Variants in MGAT4C observed in about 807,000 individuals in gnomAD.
The protein encoded by MGAT4C is alpha-1,3-mannosyl-glycoprotein 4-beta-N-acetylglucosaminyltransferase C.
Under a neutral mutation model 40.1 loss-of-function variants are expected in MGAT4C, and 19 were observed. The observed-to-expected ratio is 0.47, with a 90% confidence interval of 0.33 to 0.70. MGAT4C has a LOEUF of 0.70. Among genes scored for constraint, MGAT4C ranks in the 30% least tolerant of loss-of-function variants. The pLI, the probability that MGAT4C is intolerant of heterozygous loss-of-function variation, is 0.02. For synonymous variants in MGAT4C, 181 were observed against 187.1 expected, an observed-to-expected ratio of 0.97 and a Z score of 0.27; for missense variants, 491 against 563.2, an observed-to-expected ratio of 0.87 and a Z score of 1.30.
intron 2 of MGAT4C, among the ~76,000 whole-genome samples, chr12:86,609,183 T>G (rs1484015804): frequency 6.6e-6 from 1 of 152,062 alleles, no homozygotes; most frequent in Admixed American, 6.6e-5. Context: ...AGAAAAAACA[T>G]GCAAAATTAT....
At chr12:86,086,452 G>T (rs2135556597) in intron 1 of MGAT4C, among the ~76,000 whole-genome samples, 1 of 152,064 alleles carries the variant, frequency 6.6e-6, no homozygotes, top group Non-Finnish European at 1.5e-5. Flanking sequence ...GGGTTGAGGG[G>T]TGCAGCAAAC....
intron 1 of MGAT4C, among the ~76,000 whole-genome samples, chr12:86,818,526 A>G (rs183686614): frequency 1.7e-4 from 25 of 151,224 alleles, no homozygotes; most frequent in African/African-American, 5.5e-4. Flanking sequence ...CAAAGTGGAG[A>G]GAGCTGACTT....
intron 1 of MGAT4C, among the ~76,000 whole-genome samples, chr12:86,090,250 A>T (rs896828109): frequency 1.3e-5 from 2 of 151,602 alleles, no homozygotes; most frequent in African/African-American, 4.8e-5. Context: ...TACTAAACAT[A>T]TTTTTCATGC....
intron 3 of MGAT4C, among the ~76,000 whole-genome samples, chr12:86,388,244 A>G (rs1413190828): frequency 6.6e-6 from 1 of 152,140 alleles, no homozygotes; most frequent in Admixed American, 6.6e-5. Context: ...ATTTAGTTGG[A>G]TTTCAAATAT....
chr12:86,389,661 A>G (rs1353349507), intron 3 of MGAT4C, among the ~76,000 whole-genome samples: 1 of 152,206 alleles, frequency 6.6e-6, no homozygotes, highest in African/African-American at 2.4e-5. Flanking sequence ...CTAACAGTGT[A>G]TAACCAGAAC....
At chr12:86,197,606 G>T (rs776502620) in intron 1 of MGAT4C, among the ~76,000 whole-genome samples, 2 of 152,044 alleles carry the variant, frequency 1.3e-5, no homozygotes, top group Non-Finnish European at 2.9e-5. Context: ...AGACTTCCAG[G>T]CTCCAGAACT....
At chr12:86,330,869 A>C (rs1459906983) in intron 4 of MGAT4C, among the ~76,000 whole-genome samples, 1 of 152,188 alleles carries the variant, frequency 6.6e-6, no homozygotes, top group African/African-American at 2.4e-5. Flanking sequence ...GAAATGTTAC[A>C]AAAGGTCTTT....
At chr12:86,411,053 A>G (rs1389613814) in intron 3 of MGAT4C, among the ~76,000 whole-genome samples, 1 of 152,138 alleles carries the variant, frequency 6.6e-6, no homozygotes, top group Non-Finnish European at 1.5e-5. Context: ...TAGCCTGTGG[A>G]ACTGTTAGCT....
chr12:86,393,550 A>T (rs1333049666), intron 3 of MGAT4C, among the ~76,000 whole-genome samples: 3 of 152,224 alleles, frequency 2.0e-5, no homozygotes, highest in Non-Finnish European at 4.4e-5. Context: ...GAGTGAATAT[A>T]TAAGAAACAT....
At chr12:86,401,588 A>C (rs1310649302) in intron 3 of MGAT4C, among the ~76,000 whole-genome samples, 1 of 152,126 alleles carries the variant, frequency 6.6e-6, no homozygotes, top group Non-Finnish European at 1.5e-5. Flanking sequence ...ATGTTTATTC[A>C]CTTTTTTTCC....
chr12:86,292,927 T>TA (rs1953562305), intron 4 of MGAT4C, among the ~76,000 whole-genome samples: 1 of 152,050 alleles, frequency 6.6e-6, no homozygotes, highest in Non-Finnish European at 1.5e-5. Context: ...TGCTAATTGC[T>TA]AAAAAATTAA....
chr12:86,502,044 A>G (rs191215069), intron 2 of MGAT4C, among the ~76,000 whole-genome samples: 1 of 152,240 alleles, frequency 6.6e-6, no homozygotes, highest in Admixed American at 6.6e-5. Flanking sequence ...AGGACTCATG[A>G]TAGACACCAT....
chr12:86,382,937 T>A (rs780585783), intron 3 of MGAT4C, among the ~76,000 whole-genome samples: 1 of 152,188 alleles, frequency 6.6e-6, no homozygotes, highest in Non-Finnish European at 1.5e-5. Context: ...ATGGAGAATC[T>A]CTGCCAGGGC....
At chr12:86,838,256 G>T (rs1418532025) in intron 1 of MGAT4C, among the ~76,000 whole-genome samples, 1 of 152,020 alleles carries the variant, frequency 6.6e-6, no homozygotes. Context: ...TTGAGACAAA[G>T]TTTGTATTTT....
At chr12:86,668,525 C>A (rs1340146473) in intron 2 of MGAT4C, among the ~76,000 whole-genome samples, 1 of 152,198 alleles carries the variant, frequency 6.6e-6, no homozygotes, top group African/African-American at 2.4e-5. Flanking sequence ...CAGACATTTT[C>A]CCAGACCGTG....
chr12:86,403,200 G>T (rs1427241370), intron 3 of MGAT4C, among the ~76,000 whole-genome samples: 6 of 152,096 alleles, frequency 3.9e-5, no homozygotes, highest in African/African-American at 1.4e-4. Context: ...AAATGGTAAA[G>T]CTTACCTTCC....
At chr12:86,369,284 G>A (rs1955671878) in intron 3 of MGAT4C, among the ~76,000 whole-genome samples, 1 of 151,648 alleles carries the variant, frequency 6.6e-6, no homozygotes, top group African/African-American at 2.4e-5. Context: ...AGCATATAGT[G>A]GGATCTTTTA....
chr12:86,098,578 C>T (rs1046886801), intron 1 of MGAT4C, among the ~76,000 whole-genome samples: 1 of 151,536 alleles, frequency 6.6e-6, no homozygotes, highest in African/African-American at 2.4e-5. Flanking sequence ...TTTTTGCAAT[C>T]CTGCTATTTC....
At chr12:86,325,128 A>C (rs1049959320) in intron 4 of MGAT4C, among the ~76,000 whole-genome samples, 1 of 152,116 alleles carries the variant, frequency 6.6e-6, no homozygotes, top group African/African-American at 2.4e-5. Context: ...GATCAATTCT[A>C]TATATGTTAT....
Sources: allele counts gnomAD v4.1 joint callset (sites outside exome capture counted in the v4.1 genomes callset), GRCh38; gene constraint gnomAD v4.1.1; transcripts MANE v1.5; gene names NCBI Gene and HGNC (gene_info 2026-07-23, HGNC 2026-07-21).